Variants in LTBP1 observed in about 807,000 individuals in gnomAD.
The protein encoded by LTBP1 is latent transforming growth factor beta binding protein 1, also known as latent-transforming growth factor beta-binding protein 1.
In LTBP1, 129 loss-of-function variants were observed where a neutral mutation model predicts 207.6. The ratio of observed to expected loss-of-function variants is 0.62; its 90% CI spans 0.54 to 0.72. The LOEUF (loss-of-function observed/expected upper bound fraction) is 0.72, where lower values mean the gene tolerates loss of function less well. Ranked by LOEUF, LTBP1 falls within the 30% of genes least tolerant of loss-of-function variation. The probability of loss-of-function intolerance (pLI) is 0.00; values close to 1 mark genes in which losing one functional copy is unlikely to be tolerated. For synonymous variants in LTBP1, 963 were observed against 833.7 expected (o/e 1.16, Z -2.67); for missense variants, 2,281 against 2,217.2 (o/e 1.03, Z -0.58).
intron 5 of LTBP1, among the ~76,000 whole-genome samples, chr2:33,166,851 T>G (rs1193229682): frequency 3.3e-5 from 5 of 152,210 alleles, no homozygotes; most frequent in Non-Finnish European, 7.3e-5. Context: ...TGAATAGCGT[T>G]AGCATTTGAT....
chr2:33,125,099 T>C (rs2081352849), intron 4 of LTBP1, among the ~76,000 whole-genome samples: 1 of 152,232 alleles, frequency 6.6e-6, no homozygotes, highest in Non-Finnish European at 1.5e-5. Context: ...CTCTCCCTCA[T>C]CCTAATTTCC....
chr2:32,964,529 T>G (rs1679641773), intron 2 of LTBP1, among the ~76,000 whole-genome samples: 3 of 152,168 alleles, frequency 2.0e-5, no homozygotes, highest in African/African-American at 7.2e-5. Flanking sequence ...TATGCCTCCT[T>G]AAAAGTAAAT....
chr2:33,373,192 ACTC>A (rs1439035056), intron 31 of LTBP1, among the ~76,000 whole-genome samples: 2 of 152,200 alleles, frequency 1.3e-5, no homozygotes, highest in African/African-American at 2.4e-5. Context: ...TTTCTTGACT[ACTC>A]AGGTGTAGAA....
intron 11 of LTBP1, among the ~76,000 whole-genome samples, chr2:33,256,419 G>T (rs1042305023): frequency 6.6e-6 from 1 of 151,864 alleles, no homozygotes; most frequent in African/African-American, 2.4e-5. Flanking sequence ...AGCCCTTTGT[G>T]TTCTTCAACT....
intron 15 of LTBP1, 26 bp downstream of exon 15, chr2:33,263,418 T>TA: frequency 6.5e-7 from 1 of 1,542,422 alleles, no homozygotes; most frequent in East Asian, 2.2e-5. Context: ...TTACATTATA[T>TA]ATCACATGGA....
At chr2:33,217,434 C>G (rs1462948114) in intron 7 of LTBP1, 118 bp from the exon 8 acceptor site, 1 of 580,016 alleles carries the variant, frequency 1.7e-6, no homozygotes, top group South Asian at 2.4e-5. Context: ...TTTTTCCTTT[C>G]TAATTGTGTC....
intron 4 of LTBP1, among the ~76,000 whole-genome samples, chr2:33,115,100 A>G: frequency 1.1e-5 from 1 of 91,144 alleles, no homozygotes; most frequent in East Asian, 3.8e-4. Context: ...ATACACACAT[A>G]TATGTACACA....
intron 3 of LTBP1, among the ~76,000 whole-genome samples, chr2:33,065,165 A>G (rs1307568241): frequency 1.3e-5 from 2 of 152,236 alleles, no homozygotes; most frequent in Non-Finnish European, 1.5e-5. Flanking sequence ...GTGATCATCA[A>G]TAAAAATACG....
chr2:33,285,056 T>C (rs1336030687), intron 19 of LTBP1, among the ~76,000 whole-genome samples: 7 of 145,700 alleles, frequency 4.8e-5, no homozygotes, highest in East Asian at 1.9e-4. Flanking sequence ...TTTTTTTTTT[T>C]CTGAGATGGA....
chr2:33,141,160 C>T (rs1367356459), intron 5 of LTBP1, among the ~76,000 whole-genome samples: 1 of 152,180 alleles, frequency 6.6e-6, no homozygotes, highest in East Asian at 1.9e-4. Flanking sequence ...GTGGATGAAC[C>T]TCAAAGATGC....
At chr2:33,286,570 A>G (rs1187579509) in intron 19 of LTBP1, among the ~76,000 whole-genome samples, 10 of 152,220 alleles carry the variant, frequency 6.6e-5, no homozygotes, top group Non-Finnish European at 2.9e-5. Context: ...CTTTATCCCT[A>G]CATTATTATA....
At chr2:33,380,110 G>A (rs1362347048) in intron 31 of LTBP1, among the ~76,000 whole-genome samples, 1 of 152,136 alleles carries the variant, frequency 6.6e-6, no homozygotes, top group African/African-American at 2.4e-5. Flanking sequence ...GGGAAGATTA[G>A]ATGTCCACGC....
chr2:33,090,143 G>A (rs745911723), intron 3 of LTBP1, among the ~76,000 whole-genome samples: 3 of 152,214 alleles, frequency 2.0e-5, no homozygotes, highest in Non-Finnish European at 2.9e-5. Flanking sequence ...GAAGAGAGTT[G>A]GAAAATTAGG....
intron 26 of LTBP1, among the ~76,000 whole-genome samples, chr2:33,353,003 G>C (rs2094804062): frequency 8.4e-6 from 1 of 119,054 alleles, no homozygotes; most frequent in Admixed American, 1.1e-4. Context: ...TTTTGAGACA[G>C]AGTCTTGCTC....
chr2:33,083,536 A>G (rs530974976), intron 3 of LTBP1, among the ~76,000 whole-genome samples: 2 of 151,610 alleles, frequency 1.3e-5, no homozygotes, highest in East Asian at 3.9e-4. Flanking sequence ...GAGAGGGGGG[A>G]ATCTGGATTC....
intron 7 of LTBP1, among the ~76,000 whole-genome samples, chr2:33,191,128 A>G (rs1240062163): frequency 6.6e-6 from 1 of 152,224 alleles, no homozygotes; most frequent in African/African-American, 2.4e-5. Flanking sequence ...TTGTGTGCCC[A>G]GTACCTTTCT....
At chr2:33,170,344 G>A (rs962370979) in intron 5 of LTBP1, among the ~76,000 whole-genome samples, 2 of 150,570 alleles carry the variant, frequency 1.3e-5, no homozygotes, top group East Asian at 3.9e-4. Context: ...GGCGCACCAC[G>A]AGATTATATC....
At chr2:33,119,680 C>T (rs1459341354) in intron 4 of LTBP1, among the ~76,000 whole-genome samples, 1 of 152,134 alleles carries the variant, frequency 6.6e-6, no homozygotes, top group East Asian at 1.9e-4. Context: ...CCTCAGCTTC[C>T]CGAGTAGGCT....
rs148581780 is a variant in LTBP1, at chr2:33,141,054, A to G, written c.1201+6094A>G. Among the ~76,000 whole-genome samples the G allele has an allele frequency of 2.2e-3, 328 of 152,358 alleles. 2 individuals carry two copies. Among genetic ancestry groups the G allele is most frequent in the African/African-American group, 7.6e-3 (314 of 41,576 alleles). On this transcript the variant is annotated intron_variant, in intron 5 of 33. Coordinates refer to ENST00000404816, the MANE Select transcript of LTBP1 (RefSeq NM_206943.4). ...CATTTAACGTGCATTTATTGAGCACATACTATGTGCCAGGTATGGGGGTTC... is the reference window on the plus strand; with the variant it reads ...CATTTAACGTGCATTTATTGAGCACGTACTATGTGCCAGGTATGGGGGTTC...
Sources: gnomAD v4.1 joint callset for allele counts (sites outside exome capture counted in the v4.1 genomes callset) on GRCh38, gnomAD v4.1.1 for gene constraint, MANE v1.5 for transcripts, NCBI Gene and HGNC (gene_info 2026-07-23, HGNC 2026-07-21) for gene names.